The following HDAC9 variants were observed in gnomAD, a reference collection of about 807,000 sequenced individuals.
HDAC9 encodes the protein MEF-2 interacting transcription repressor (MITR) protein.
A neutral mutation model predicts 139.4 loss-of-function variants in HDAC9; 41 were observed. That is an observed-to-expected ratio of 0.29 (90% CI 0.23 to 0.38). The LOEUF is 0.38. Ranked by LOEUF, HDAC9 falls within the 10% of genes least tolerant of loss-of-function variation. The pLI is 1.00. For missense variants in HDAC9, 1,147 were observed against 1,297.0 expected (o/e 0.88, Z 1.78); for synonymous variants, 517 against 476.2 (o/e 1.09, Z -1.12).
intron 1 of HDAC9, among the ~76,000 whole-genome samples, chr7:18,094,587 G>A (rs966578879): frequency 5.3e-5 from 8 of 151,610 alleles, no homozygotes; most frequent in African/African-American, 9.7e-5. Context: ...TCATGCCAGC[G>A]TACCTGGCTA....
chr7:18,975,462 G>A (rs1450260760), intron 24 of HDAC9, among the ~76,000 whole-genome samples: 1 of 152,140 alleles, frequency 6.6e-6, no homozygotes, highest in African/African-American at 2.4e-5. Context: ...CTGCCTCCTG[G>A]TCTCTTGTGG....
In HDAC9 at chr7:18,397,374, A is replaced by G. The variant is rs995679452; in HGVS notation, c.-41-98888A>G. 9.8e-5 allele frequency among the ~76,000 whole-genome samples: 15 copies of G among 152,314 alleles called. No individual in the cohort carries two copies. In the East Asian group the frequency reaches 2.3e-3, roughly 24 times the overall value. ...CATCAAATGCTTTTTTATTACAGAA[A>G]GAAAAACATGTCACAAAATCTTGAA... On this transcript the variant is annotated intron_variant, in intron 1 of 3. Transcript: ENST00000413509.
At chr7:18,795,257 T>TAAAAAAAAAAAAAAAAAAAA (rs5882676) in intron 17 of HDAC9, among the ~76,000 whole-genome samples, 63 of 65,494 alleles carry the variant, frequency 9.6e-4, no homozygotes, top group East Asian at 2.1e-3. Context: ...AAGAAAACAG[T>TAAAAAAAAAAAAAAAAAAAA]AAAAAAAAAA....
At chr7:18,269,462 C>T (rs557047164) in intron 2 of HDAC9, among the ~76,000 whole-genome samples, 3 of 152,166 alleles carry the variant, frequency 2.0e-5, no homozygotes, top group Admixed American at 6.5e-5. Context: ...AGGAACTACA[C>T]TGAATTGGGC....
intron 21 of HDAC9, among the ~76,000 whole-genome samples, chr7:18,872,277 GA>G (rs1301438167): frequency 6.6e-6 from 1 of 152,108 alleles, no homozygotes; most frequent in Non-Finnish European, 1.5e-5. Context: ...GAAGGAATTT[GA>G]AAACCCACAG....
intron 1 of HDAC9, among the ~76,000 whole-genome samples, chr7:18,110,762 G>A (rs1405930661): frequency 2.0e-5 from 3 of 152,196 alleles, no homozygotes; most frequent in Admixed American, 6.5e-5. Flanking sequence ...GGGGCCAGGA[G>A]CTTGGGAGGC....
chr7:18,364,459 C>G (rs1463488764), intron 1 of HDAC9, among the ~76,000 whole-genome samples: 3 of 151,922 alleles, frequency 2.0e-5, no homozygotes, highest in African/African-American at 7.3e-5. Context: ...AAAGAGCAGT[C>G]AGAAAATGGT....
chr7:18,985,483 G>A (rs13312243), intron 25 of HDAC9, among the ~76,000 whole-genome samples: 115,556 of 151,992 alleles, frequency 0.76, 44,146 homozygotes, highest in African/African-American at 0.83. Context: ...TGGACATTTG[G>A]GTTGGTTCCA....
intron 1 of HDAC9, among the ~76,000 whole-genome samples, chr7:18,161,408 A>G (rs1292739800): frequency 1.3e-5 from 2 of 152,330 alleles, no homozygotes; most frequent in Non-Finnish European, 2.9e-5. Context: ...TAATTCTCAG[A>G]GTTACAACAT....
chr7:18,467,654 T>A (rs1238814687), intron 1 of HDAC9, among the ~76,000 whole-genome samples: 1 of 152,204 alleles, frequency 6.6e-6, no homozygotes, highest in African/African-American at 2.4e-5. Flanking sequence ...GATATTACAG[T>A]CCCCATATAT....
chr7:18,899,126 A>G (rs1437590165), intron 22 of HDAC9, among the ~76,000 whole-genome samples: 1 of 151,964 alleles, frequency 6.6e-6, no homozygotes, highest in Non-Finnish European at 1.5e-5. Flanking sequence ...TAATGTTAGG[A>G]TATATTTGCT....
At chr7:18,982,465 TG>T (rs1012774411) in intron 25 of HDAC9, among the ~76,000 whole-genome samples, 3 of 152,186 alleles carry the variant, frequency 2.0e-5, no homozygotes, top group African/African-American at 7.2e-5. Context: ...TTTTCTGATG[TG>T]GTTTCCAACA....
chr7:18,100,477 T>C lies in HDAC9; in HGVS notation c.-97+13264T>C, dbSNP rs186891617. Among the ~76,000 whole-genome samples the C allele has an allele frequency of 7.7e-3, 1,180 of 152,294 alleles. 6 individuals are homozygous for C. The highest frequency in any genetic ancestry group is 0.012 in the Non-Finnish European group (795 of 68,022). On this transcript the variant is annotated intron_variant, in intron 1 of 12. Transcript: ENST00000417496. ...CACTGATGCTCTGTTTGTTTATTTT[T>C]ATTTTTTCTTCTCCATATGTTACAT...
rs267601444 is a variant in HDAC9 at position 18,835,498 on chromosome 7, C to T, written c.2498C>T (p.Ala833Val). Residue 833 changes from alanine to valine, a missense_variant, in exon 20 of 26, where the codon GCC becomes GTC. Ala to Val is a moderately conservative substitution (Grantham distance 64). Around this residue, in one of 7 missense-constraint regions of HDAC9, gnomAD observed 407 missense variants for 521.5 expected, o/e 0.78. Transcript: ENST00000686413. ...CACCATGGAAACGGTACCCAGCAGG[C>T]CTTTTATGCTGACCCCAGCATCCTG... ...DVHHGNGTQQAFYADPSILYI... is the reference protein window; with the variant it reads ...DVHHGNGTQQVFYADPSILYI... 2.5e-6 allele frequency: 4 copies of T among 1,613,578 alleles called. No homozygotes were observed. The highest frequency in any genetic ancestry group is 3.4e-6 in the Non-Finnish European group (4 of 1,179,594).
intron 15 of HDAC9, among the ~76,000 whole-genome samples, chr7:18,766,590 A>G (rs991162649): frequency 3.3e-5 from 5 of 152,182 alleles, no homozygotes; most frequent in Admixed American, 3.3e-4. Flanking sequence ...AGCTACTTAT[A>G]ACCAGCTATA....
intron 2 of HDAC9, among the ~76,000 whole-genome samples, chr7:18,196,710 A>G (rs1790754244): frequency 6.6e-6 from 1 of 152,164 alleles, no homozygotes; most frequent in Non-Finnish European, 1.5e-5. Flanking sequence ...CTGAAAATAA[A>G]TGTGTCCACA....
In HDAC9 at chr7:18,805,348, G is replaced by A. The variant is rs562759216; in HGVS notation, c.2322+11896G>A. Among the ~76,000 whole-genome samples the A allele has an allele frequency of 5.9e-5, 9 of 152,306 alleles. No homozygotes were observed. The East Asian group carries it at 1.5e-3, about 26-fold the overall frequency. ...ACGTTCACTAGAAGGCCTGATAAAT[G>A]TGTCAGGAGTTTGAGAGCTTATGTA... On this transcript the variant is annotated intron_variant, in intron 17 of 25. Transcript: ENST00000686413.
chr7:18,591,480 TG>T, intron 4 of HDAC9, 35 bp from the exon 5 acceptor site: 2 of 1,182,458 alleles, frequency 1.7e-6, no homozygotes, highest in Non-Finnish European at 1.1e-6. Context: ...TGTGTATGTG[TG>T]TGTGTGTGTG....
At chr7:18,928,950 C>G (rs1215558645) in intron 22 of HDAC9, among the ~76,000 whole-genome samples, 1 of 151,300 alleles carries the variant, frequency 6.6e-6, no homozygotes, top group Non-Finnish European at 1.5e-5. Context: ...AACGAGAATG[C>G]AATAATTTTG....
Sources: gnomAD v4.1 joint callset for allele counts (sites outside exome capture counted in the v4.1 genomes callset) on GRCh38, gnomAD v4.1.1 for gene constraint, gnomAD v4.1.1 regional missense constraint, MANE v1.5 for transcripts, NCBI Gene and HGNC (gene_info 2026-07-23, HGNC 2026-07-21) for gene names.